The following BTG3 variants were observed in gnomAD, a reference collection of about 807,000 sequenced individuals.
BTG3 encodes the protein protein BTG3.
A neutral mutation model predicts 25.8 loss-of-function variants in BTG3; 4 were observed. The ratio of observed to expected loss-of-function variants is 0.16; its 90% CI spans 0.08 to 0.36. BTG3 has a LOEUF of 0.36. BTG3 is among the 10% of genes least tolerant of loss of function. The pLI, the probability that BTG3 is intolerant of heterozygous loss-of-function variation, is 1.00. For missense variants in BTG3, 201 were observed against 304.9 expected, an observed-to-expected ratio of 0.66 and a Z score of 2.54; for synonymous variants, 107 against 99.9, an observed-to-expected ratio of 1.07 and a Z score of -0.42.
At chr21:17,597,385 G>C (rs1023215187) in intron 4 of BTG3, among the ~76,000 whole-genome samples, 1 of 150,892 alleles carries the variant, frequency 6.6e-6, no homozygotes, top group Non-Finnish European at 1.5e-5. Flanking sequence ...CCATCACACA[G>C]AGAAAAAAAA....
intron 1 of BTG3, chr21:17,611,998 G>C (rs981795868): frequency 6.6e-6 from 1 of 152,268 alleles, no homozygotes. Context: ...GCCATGAAGA[G>C]GGGAAATAAT....
intron 3 of BTG3, among the ~76,000 whole-genome samples, chr21:17,601,691 CAA>C (rs918759405): frequency 1.3e-5 from 2 of 152,196 alleles, no homozygotes; most frequent in African/African-American, 4.8e-5. Context: ...TCAAGACAAT[CAA>C]GGGTTAATTC....
chr21:17,604,159 G>A (rs2061607266), intron 3 of BTG3: 1 of 1,280,568 alleles, frequency 7.8e-7, no homozygotes, highest in Non-Finnish European at 1.0e-6. Context: ...TCAAAAAGGA[G>A]GAGGCCGGGC....
chr21:17,599,636 C>T lies in BTG3; in HGVS notation c.312-812G>A, dbSNP rs545897285. 7.6e-4 allele frequency among the ~76,000 whole-genome samples: 116 copies of T among 152,180 alleles called. No homozygotes were observed. In the South Asian group the frequency reaches 0.013, roughly 17 times the overall value. On this transcript the variant is annotated intron_variant, in intron 3 of 4. Transcript: ENST00000348354. ...CTGGGATTACAGGTGCCCACCACCA[C>T]GCCCAGCTAATTTTTGTATTTTTAG...
chr21:17,596,875 C>G (rs896827938), intron 4 of BTG3, among the ~76,000 whole-genome samples: 1 of 152,006 alleles, frequency 6.6e-6, no homozygotes, highest in Non-Finnish European at 1.5e-5. Context: ...ATGAATAATT[C>G]TTTATCCCCT....
chr21:17,609,262 T>C lies in BTG3; in HGVS notation c.-8-110A>G. 3.8e-6 allele frequency: 4 copies of C among 1,045,546 alleles called. No homozygotes were observed. In the South Asian group the frequency reaches 5.1e-5, roughly 13 times the overall value. The allele number at this position is 1,045,546 out of a possible 1,614,324, so 64.8% of individuals were successfully genotyped here. ...GCTCTCCCCTTCCTCCTTCCAATTT[T>C]ATCTTGTATTTCTTTGGCTTATATC... On this transcript the variant is annotated intron_variant, in intron 1 of 4. Coordinates refer to ENST00000348354, the MANE Select transcript of BTG3 (RefSeq NM_006806.5).
intron 1 of BTG3, among the ~76,000 whole-genome samples, chr21:17,611,027 T>A (rs1033017943): frequency 1.3e-5 from 2 of 151,944 alleles, no homozygotes; most frequent in African/African-American, 4.9e-5. Flanking sequence ...GAAATTCACC[T>A]TCTACAGCCA....
chr21:17,607,386 A>G (rs1172689995), intron 2 of BTG3, among the ~76,000 whole-genome samples: 4 of 152,048 alleles, frequency 2.6e-5, no homozygotes, highest in Admixed American at 2.6e-4. Flanking sequence ...AAATGAAAAT[A>G]TGCAAAAAAA....
At chr21:17,599,334 C>A (rs377479334) in intron 3 of BTG3, among the ~76,000 whole-genome samples, 2 of 152,074 alleles carry the variant, frequency 1.3e-5, no homozygotes, top group African/African-American at 4.8e-5. Flanking sequence ...GAGTGTACCA[C>A]CATGCTCAGC....
chr21:17,598,467 G>C (rs2061531726), intron 4 of BTG3, 150 bp downstream of exon 4: 2 of 622,228 alleles, frequency 3.2e-6, no homozygotes, highest in South Asian at 4.6e-5. Flanking sequence ...TTACGTGCCA[G>C]AGAAACAGCT....
intron 4 of BTG3, among the ~76,000 whole-genome samples, chr21:17,597,438 A>G (rs1050804721): frequency 1.3e-5 from 2 of 151,998 alleles, no homozygotes; most frequent in Non-Finnish European, 2.9e-5. Context: ...ATGATCCTGA[A>G]GTACAAATAC....
chr21:17,605,282 G>A (rs533556103), intron 2 of BTG3: 150 of 238,788 alleles, frequency 6.3e-4, no homozygotes, highest in Middle Eastern at 4.0e-3. Context: ...AAATGAGCAC[G>A]GAGTATGAAA....
At chr21:17,599,906 A>C (rs909026347) in intron 3 of BTG3, among the ~76,000 whole-genome samples, 1 of 152,226 alleles carries the variant, frequency 6.6e-6, no homozygotes, top group African/African-American at 2.4e-5. Context: ...ATACTCACAA[A>C]AATGAGAACT....
intron 4 of BTG3, among the ~76,000 whole-genome samples, chr21:17,594,808 A>G (rs774362849): frequency 3.9e-5 from 6 of 151,984 alleles, no homozygotes. Flanking sequence ...ACTTATGAAC[A>G]CAAAGAAGGA....
chr21:17,599,016 G>C (rs2061538261), intron 3 of BTG3, 192 bp from the exon 4 acceptor site: 1 of 496,328 alleles, frequency 2.0e-6, no homozygotes, highest in Non-Finnish European at 3.5e-6. Context: ...TTCTACTTCT[G>C]GTCTATTTAA....
intron 3 of BTG3, among the ~76,000 whole-genome samples, chr21:17,604,478 A>G (rs2061614183): frequency 6.6e-6 from 1 of 152,180 alleles, no homozygotes; most frequent in Non-Finnish European, 1.5e-5. Flanking sequence ...GAATAAACAG[A>G]AACAGAAACA....
intron 4 of BTG3, among the ~76,000 whole-genome samples, chr21:17,595,361 T>C (rs1328345535): frequency 6.6e-6 from 1 of 151,920 alleles, no homozygotes; most frequent in African/African-American, 2.4e-5. Flanking sequence ...ATTCAAAAAG[T>C]ACAAAAGGGT....
chr21:17,599,846 T>C (rs913727003), intron 3 of BTG3, among the ~76,000 whole-genome samples: 7 of 152,206 alleles, frequency 4.6e-5, no homozygotes, highest in Admixed American at 1.3e-4. Context: ...AGAAATTTCC[T>C]ATAAAATTGA....
In BTG3 at chr21:17,598,672, T is replaced by C; in HGVS notation, c.464A>G (p.Lys155Arg). 1 of 1,614,150 alleles carries C rather than the reference T, an allele frequency of 6.2e-7. No homozygotes were observed. The highest frequency in any genetic ancestry group is 1.1e-5 in the South Asian group (1 of 91,076). ...CGAACTGGGTTTCACTTCCATTTCC[T>C]TACTTGTTTCTTCATCTGAAGAAGA... ...GSSSSDEETS[K>R]EMEVKPSSVT... The change falls in exon 4 of 5, where the codon AAG (lysine) becomes AGG (arginine). Residue 155 changes from lysine (K) to arginine (R), a missense_variant. Transcript: ENST00000348354.
Sources: allele counts gnomAD v4.1 joint callset (sites outside exome capture counted in the v4.1 genomes callset), GRCh38; gene constraint gnomAD v4.1.1; transcripts MANE v1.5; gene names NCBI Gene and HGNC (gene_info 2026-07-23, HGNC 2026-07-21).